The following SASH1 variants were observed in gnomAD, a reference collection of about 807,000 sequenced individuals.
SASH1 encodes SAM and SH3 domain containing 1.
SASH1 carries 44 observed loss-of-function variants against 125.2 expected under a neutral mutation model. That is an observed-to-expected ratio of 0.35 (90% confidence interval 0.28 to 0.45). The LOEUF (loss-of-function observed/expected upper bound fraction) is 0.45, where lower values mean the gene tolerates loss of function less well. SASH1 is among the 20% of genes least tolerant of loss of function. The probability of loss-of-function intolerance (pLI) is 1.00; values close to 1 mark genes in which losing one functional copy is unlikely to be tolerated. For synonymous variants in SASH1, 639 were observed against 649.1 expected (o/e 0.98, Z 0.24); for missense variants, 1,426 against 1,614.5 (o/e 0.88, Z 2.00).
chr6:148,361,891 A>C (rs1272363718), intron 1 of SASH1, among the ~76,000 whole-genome samples: 1 of 148,476 alleles, frequency 6.7e-6, no homozygotes, highest in Non-Finnish European at 1.5e-5. Flanking sequence ...AATGTCCAGC[A>C]TTTCTTTTTT....
chr6:148,259,261 G>T, the SASH1 span, among the ~76,000 whole-genome samples: 2 of 152,266 alleles, frequency 1.3e-5, no homozygotes, highest in African/African-American at 4.8e-5. Flanking sequence ...CACACTCAAG[G>T]CATTCAGTGT....
chr6:148,407,720 C>G (rs953460819), intron 2 of SASH1, among the ~76,000 whole-genome samples: 1 of 152,152 alleles, frequency 6.6e-6, no homozygotes, highest in African/African-American at 2.4e-5. Context: ...GCAACCTCTG[C>G]CGCCCGAGTT....
At position 148,508,735 on chromosome 6, in the gene SASH1, A is replaced by G. The variant is rs1282924794; in HGVS notation, c.730-5589A>G. The G allele has an allele frequency of 5.7e-6, 7 of 1,231,728 alleles. No homozygotes were observed. In the African/African-American group the frequency reaches 6.4e-5, roughly 11 times the overall value. 76.3% of individuals were successfully genotyped at this position (1,231,728 alleles called of 1,614,324 possible). On this transcript the variant is annotated intron_variant, in intron 8 of 19. Transcript: ENST00000367467. The stretch of plus-strand genomic sequence containing the variant: ...CCTGATCATGTAACTCCAGAGAGAC[A>G]TGTTCCAGGAGTGCCTAATCTTAAT...
intron 4 of SASH1, among the ~76,000 whole-genome samples, chr6:148,465,906 C>A (rs1237701303): frequency 6.6e-6 from 1 of 152,132 alleles, no homozygotes; most frequent in Non-Finnish European, 1.5e-5. Context: ...TCCTCCCCTT[C>A]CCCCTCGTCA....
intron 8 of SASH1, among the ~76,000 whole-genome samples, chr6:148,492,012 T>C (rs964530395): frequency 1.3e-5 from 2 of 152,174 alleles, no homozygotes; most frequent in African/African-American, 4.8e-5. Flanking sequence ...TCAGGACTGA[T>C]TCAAACCCAA....
chr6:148,447,609 C>T (rs879566025), intron 4 of SASH1, among the ~76,000 whole-genome samples: 6 of 152,028 alleles, frequency 3.9e-5, no homozygotes, highest in African/African-American at 1.2e-4. Context: ...CTGATCTTGT[C>T]GTCATCCTCC....
chr6:148,333,247 T>A lies in SASH1; in HGVS notation n.75-56887T>A, dbSNP rs545276821. The stretch of plus-strand genomic sequence containing the variant: ...GAGACTCTGTGTCTACAAAAAATAA[T>A]AATAATAATAATAAAATTAGCCAGG... On this transcript the variant is annotated intron_variant and non_coding_transcript_variant, in intron 1 of 3. Transcript: ENST00000367469. 4.0e-3 allele frequency among the ~76,000 whole-genome samples: 613 copies of A among 151,610 alleles called. 4 individuals are homozygous for A. Among genetic ancestry groups the A allele is most frequent in the East Asian group, 0.018 (94 of 5,146 alleles).
At chr6:148,270,699 G>C (rs1223515506), upstream of SASH1, among the ~76,000 whole-genome samples, 3 of 152,048 alleles carry the variant, frequency 2.0e-5, no homozygotes, top group Admixed American at 6.6e-5. Context: ...AAACAAAAAG[G>C]CTCTTACCTT....
the SASH1 span, among the ~76,000 whole-genome samples, chr6:148,230,726 C>T: frequency 1.3e-5 from 2 of 152,210 alleles, no homozygotes; most frequent in African/African-American, 2.4e-5. Flanking sequence ...AGTGGTATCT[C>T]ATTGTGGTTT....
At chr6:148,249,353 TCACACACACATGC>T in the SASH1 span, among the ~76,000 whole-genome samples, 1 of 151,984 alleles carries the variant, frequency 6.6e-6, no homozygotes, top group Admixed American at 6.6e-5. Context: ...TGTGCATGCA[TCACACACACATGC>T]GCACGTGGGC....
At chr6:148,397,511 A>C (rs1234687197) in intron 2 of SASH1, among the ~76,000 whole-genome samples, 2 of 152,174 alleles carry the variant, frequency 1.3e-5, no homozygotes, top group African/African-American at 4.8e-5. Context: ...TTGAGGTATA[A>C]CTTATATACA....
chr6:148,514,549 G>A (rs1240400707), intron 9 of SASH1, 93 bp downstream of exon 9: 23 of 1,366,746 alleles, frequency 1.7e-5, no homozygotes, highest in Non-Finnish European at 2.1e-5. Context: ...AGCAGAAAAG[G>A]GATACGATTT....
At position 148,512,406 on chromosome 6, in the gene SASH1, G is replaced by C. The variant is rs9390577; in HGVS notation, c.730-1918G>C. 55 of 903,196 alleles carry C rather than the reference G, an allele frequency of 6.1e-5. No individual in the cohort carries two copies. The East Asian group carries it at 5.0e-3, about 82-fold the overall frequency. The allele number at this position is 903,196 out of a possible 1,614,324, so 55.9% of individuals were successfully genotyped here. On this transcript the variant is annotated intron_variant, in intron 8 of 19. Transcript: ENST00000367467. ...CTTCTATTAGAATTGCTTGGCTTTT[G>C]AGCTACATCAAGAGAGCAGAATGTT...
chr6:148,470,608 A>C (rs1778054714), intron 5 of SASH1, among the ~76,000 whole-genome samples: 3 of 152,244 alleles, frequency 2.0e-5, no homozygotes, highest in South Asian at 2.1e-4. Flanking sequence ...CAATGATCGG[A>C]ACCCTACCAC....
intron 1 of SASH1, among the ~76,000 whole-genome samples, chr6:148,332,028 T>G (rs1029262848): frequency 6.6e-6 from 1 of 152,188 alleles, no homozygotes; most frequent in African/African-American, 2.4e-5. Context: ...TCACTTTGTT[T>G]ATTTCCCTTC....
At chr6:148,199,285 A>G in the SASH1 span, among the ~76,000 whole-genome samples, 1 of 152,032 alleles carries the variant, frequency 6.6e-6, no homozygotes, top group African/African-American at 2.4e-5. Flanking sequence ...GAGCAGGAGA[A>G]TCACTTGAAC....
chr6:148,213,415 A>C, the SASH1 span, among the ~76,000 whole-genome samples: 3 of 152,060 alleles, frequency 2.0e-5, no homozygotes, highest in Non-Finnish European at 4.4e-5. Context: ...AAAAAGTTCA[A>C]CTGGAAAGAG....
At chr6:148,265,524 T>C in the SASH1 span, among the ~76,000 whole-genome samples, 1 of 152,202 alleles carries the variant, frequency 6.6e-6, no homozygotes, top group Non-Finnish European at 1.5e-5. Flanking sequence ...CTTGAACTTG[T>C]AGATTCCAGG....
intron 1 of SASH1, among the ~76,000 whole-genome samples, chr6:148,377,026 C>T (rs537086750): frequency 0.012 from 1,737 of 150,192 alleles, 43 homozygotes; most frequent in African/African-American, 0.041. Flanking sequence ...AAAAATTAGC[C>T]GGGCGTAGTG....
Sources: allele counts gnomAD v4.1 joint callset (sites outside exome capture counted in the v4.1 genomes callset), GRCh38; gene constraint gnomAD v4.1.1; transcripts MANE v1.5; gene names NCBI Gene and HGNC (gene_info 2026-07-23, HGNC 2026-07-21).